The following DTNA variants were observed in gnomAD, a reference collection of about 807,000 sequenced individuals.
The protein encoded by DTNA is dystrophin-related protein 3.
In DTNA, 43 loss-of-function variants were observed where a neutral mutation model predicts 100.7. The ratio of observed to expected loss-of-function variants is 0.43; its 90% CI spans 0.33 to 0.55. The LOEUF is 0.55. Among genes scored for constraint, DTNA ranks in the 20% least tolerant of loss-of-function variants. DTNA has a pLI of 0.04. For synonymous variants in DTNA, 349 were observed against 347.9 expected, an observed-to-expected ratio of 1.00 and a Z score of -0.04; for missense variants, 798 against 953.9, an observed-to-expected ratio of 0.84 and a Z score of 2.15.
chr18:34,557,626 C>G (rs1446675061), intron 1 of DTNA, among the ~76,000 whole-genome samples: 18 of 151,504 alleles, frequency 1.2e-4, no homozygotes, highest in East Asian at 1.9e-4. Flanking sequence ...AATACCCTGC[C>G]GTGTGAGGTG....
At chr18:34,820,048 C>T (rs1313423322) in intron 8 of DTNA, among the ~76,000 whole-genome samples, 2 of 150,438 alleles carry the variant, frequency 1.3e-5, no homozygotes, top group Non-Finnish European at 3.0e-5. Context: ...TGGTAGGCTA[C>T]TTTTTATAAA....
intron 16 of DTNA, among the ~76,000 whole-genome samples, chr18:34,860,824 A>G (rs1057408559): frequency 6.6e-6 from 1 of 152,224 alleles, no homozygotes; most frequent in Non-Finnish European, 1.5e-5. Flanking sequence ...GCTTTGCTGC[A>G]TACTAACTCT....
At chr18:34,680,397 G>A (rs1018237405) in intron 1 of DTNA, among the ~76,000 whole-genome samples, 1 of 152,168 alleles carries the variant, frequency 6.6e-6, no homozygotes. Context: ...TGAGGATATT[G>A]TGTGGCTTTC....
chr18:34,699,758 C>T (rs2081110560), intron 1 of DTNA, among the ~76,000 whole-genome samples: 1 of 152,134 alleles, frequency 6.6e-6, no homozygotes, highest in South Asian at 2.1e-4. Flanking sequence ...AGGTAAGTAA[C>T]TAATAAATCT....
At chr18:34,766,993 G>A (rs965460132) in intron 3 of DTNA, among the ~76,000 whole-genome samples, 5 of 151,894 alleles carry the variant, frequency 3.3e-5, no homozygotes, top group African/African-American at 4.8e-5. Flanking sequence ...TCTCTGCTGG[G>A]TCAACACTTC....
At chr18:34,584,791 C>T (rs115956221) in intron 1 of DTNA, among the ~76,000 whole-genome samples, 199 of 151,888 alleles carry the variant, frequency 1.3e-3, no homozygotes, top group African/African-American at 4.3e-3. Flanking sequence ...AAGAAGAAAT[C>T]ATAAGTGTTT....
intron 1 of DTNA, among the ~76,000 whole-genome samples, chr18:34,524,611 G>A (rs1391935269): frequency 6.6e-6 from 1 of 152,124 alleles, no homozygotes; most frequent in Admixed American, 6.6e-5. Context: ...CCAAGTAATT[G>A]ATATCCATTA....
chr18:34,877,238 C>T (rs912082846), intron 18 of DTNA, among the ~76,000 whole-genome samples: 2 of 152,158 alleles, frequency 1.3e-5, no homozygotes, highest in African/African-American at 2.4e-5. Context: ...TGATAGGAGA[C>T]AGCGCATGTC....
chr18:34,534,950 CAT>C (rs2043535656), intron 1 of DTNA, among the ~76,000 whole-genome samples: 1 of 152,108 alleles, frequency 6.6e-6, no homozygotes, highest in African/African-American at 2.4e-5. Flanking sequence ...CTGCAGTAAA[CAT>C]ATGTGTGCAT....
chr18:34,550,491 G>A (rs2045292532), intron 1 of DTNA, among the ~76,000 whole-genome samples: 1 of 152,138 alleles, frequency 6.6e-6, no homozygotes, highest in African/African-American at 2.4e-5. Context: ...TCAGGGTGGT[G>A]AGCAGGTGAA....
chr18:34,782,633 G>C (rs931653425), intron 3 of DTNA, among the ~76,000 whole-genome samples: 1 of 152,134 alleles, frequency 6.6e-6, no homozygotes, highest in Non-Finnish European at 1.5e-5. Flanking sequence ...GGAGGGAGCA[G>C]GCTAAGTAAA....
At chr18:34,647,638 G>T (rs574541481) in intron 1 of DTNA, among the ~76,000 whole-genome samples, 1 of 152,266 alleles carries the variant, frequency 6.6e-6, no homozygotes, top group South Asian at 2.1e-4. Context: ...TTTTGGACTG[G>T]CTTCTAGGGC....
At chr18:34,575,791 T>C (rs1328809125) in intron 1 of DTNA, among the ~76,000 whole-genome samples, 1 of 152,196 alleles carries the variant, frequency 6.6e-6, no homozygotes. Flanking sequence ...CATCATGCCA[T>C]CTTCTTCTGG....
At chr18:34,541,717 T>C (rs926993769) in intron 1 of DTNA, among the ~76,000 whole-genome samples, 1 of 152,100 alleles carries the variant, frequency 6.6e-6, no homozygotes, top group African/African-American at 2.4e-5. Flanking sequence ...TAAAGGATTT[T>C]TCTGATGACA....
At chr18:34,811,683 G>C (rs1052862061) in intron 5 of DTNA, among the ~76,000 whole-genome samples, 1 of 152,106 alleles carries the variant, frequency 6.6e-6, no homozygotes. Context: ...CAAAAATGTA[G>C]TGTCTTATTA....
At chr18:34,562,390 C>T (rs1173556965) in intron 1 of DTNA, among the ~76,000 whole-genome samples, 2 of 152,148 alleles carry the variant, frequency 1.3e-5, no homozygotes, top group Admixed American at 6.6e-5. Flanking sequence ...TATAGTTCTG[C>T]GCAACCTTAA....
rs561472404 is a variant in DTNA at position 34,878,594 on chromosome 18, A to G, written c.1993+786A>G. Among the ~76,000 whole-genome samples the G allele has an allele frequency of 5.9e-5, 9 of 151,980 alleles. No homozygotes were observed. In the South Asian group the frequency reaches 8.3e-4, roughly 14 times the overall value. On this transcript the variant is annotated intron_variant, in intron 19 of 22. Transcript: ENST00000444659. ...GTGCTGGGATTCCCAGCCCTTATCTATTTAGGTTTCATTAATTTGGAATGC... is the reference window on the plus strand; with the variant it reads ...GTGCTGGGATTCCCAGCCCTTATCTGTTTAGGTTTCATTAATTTGGAATGC...
rs76713874 is a variant in DTNA, at chr18:34,879,733, G to A, written c.2162+14G>A. The A allele has an allele frequency of 9.2e-3, 14,854 of 1,613,800 alleles. 84 individuals are homozygous for A. The highest frequency in any genetic ancestry group is 0.01 in the Non-Finnish European group (12,329 of 1,179,860). ...GCGTGGCGACATGTGAGTATCTTCC[G>A]CTTGGAAGCATTTTCTCAGTAACAA... On this transcript the variant is annotated intron_variant, in intron 20 of 22. Transcript: ENST00000444659.
At chr18:34,571,005 A>G (rs2047532243) in intron 1 of DTNA, among the ~76,000 whole-genome samples, 1 of 152,190 alleles carries the variant, frequency 6.6e-6, no homozygotes, top group Non-Finnish European at 1.5e-5. Context: ...ATTCATTGCC[A>G]CTTGTCTCCA....
Sources: gnomAD v4.1 joint callset for allele counts (sites outside exome capture counted in the v4.1 genomes callset) on GRCh38, gnomAD v4.1.1 for gene constraint, MANE v1.5 for transcripts, NCBI Gene and HGNC (gene_info 2026-07-23, HGNC 2026-07-21) for gene names.